IL15: variants seen among roughly 807,000 people sequenced by gnomAD.
The protein encoded by IL15 is interleukin-15.
In IL15, 11 loss-of-function variants were observed where a neutral mutation model predicts 19.6. The ratio of observed to expected loss-of-function variants is 0.56; its 90% CI spans 0.35 to 0.93. IL15 has a LOEUF of 0.93. Ranked by LOEUF, IL15 falls within the 40% of genes least tolerant of loss-of-function variation. The pLI is 0.01. For synonymous variants in IL15, 58 were observed against 59.6 expected, an observed-to-expected ratio of 0.97 and a Z score of 0.12; for missense variants, 197 against 186.5, an observed-to-expected ratio of 1.06 and a Z score of -0.33.
chr4:141,665,642 A>T (rs973915268), intron 2 of IL15, among the ~76,000 whole-genome samples: 1 of 152,132 alleles, frequency 6.6e-6, no homozygotes, highest in Non-Finnish European at 1.5e-5. Context: ...TGCTTCTCAG[A>T]TTGTATAATT....
intron 2 of IL15, among the ~76,000 whole-genome samples, chr4:141,657,699 G>A (rs945670739): frequency 2.0e-5 from 3 of 151,918 alleles, no homozygotes; most frequent in African/African-American, 7.3e-5. Context: ...TCTCCTCCAC[G>A]TCCTATCTCA....
chr4:141,697,571 A>C (rs1259406014), intron 2 of IL15, among the ~76,000 whole-genome samples: 1 of 152,026 alleles, frequency 6.6e-6, no homozygotes, highest in East Asian at 1.9e-4. Context: ...TTTGATGGGA[A>C]TTGCATTGAA....
chr4:141,664,343 AC>A (rs2152163700), intron 2 of IL15, among the ~76,000 whole-genome samples: 1 of 4,802 alleles, frequency 2.1e-4, no homozygotes, highest in Admixed American at 1.2e-3. Context: ...GGTGGGCAAA[AC>A]ACACACACAC....
chr4:141,720,971 ATTTC>A (rs1730054228), intron 4 of IL15: 1 of 586,164 alleles, frequency 1.7e-6, no homozygotes, highest in African/African-American at 1.9e-5. Flanking sequence ...AGTTTAAAAC[ATTTC>A]TTTCTTTATT....
chr4:141,720,450 C>T lies in IL15; in HGVS notation c.13-19C>T. The T allele has an allele frequency of 1.6e-6, 2 of 1,289,382 alleles. No homozygotes were observed. Among genetic ancestry groups the T allele is most frequent in the Non-Finnish European group, 2.2e-6 (2 of 890,410 alleles). 79.9% of individuals were successfully genotyped at this position (1,289,382 alleles called of 1,614,324 possible). ...TTAACTAAAAAATTTAACCATTTGT[C>T]TATGATTATATTTTTCAGAAACCAC... On this transcript the variant is annotated intron_variant, in intron 3 of 7. Coordinates refer to ENST00000320650, the MANE Select transcript of IL15 (RefSeq NM_000585.5).
intron 2 of IL15, among the ~76,000 whole-genome samples, chr4:141,685,014 G>C (rs1178274368): frequency 6.6e-6 from 1 of 151,882 alleles, no homozygotes; most frequent in Non-Finnish European, 1.5e-5. Context: ...ACCAAGTAGG[G>C]AATTACAAGG....
intron 1 of IL15, among the ~76,000 whole-genome samples, chr4:141,643,950 CATCTT>C (rs1727135847): frequency 6.6e-6 from 1 of 151,764 alleles, no homozygotes; most frequent in African/African-American, 2.4e-5. Context: ...CCTTCTTCCT[CATCTT>C]ACCTGATGTC....
chr4:141,664,172 A>C (rs1727886307), intron 2 of IL15, among the ~76,000 whole-genome samples: 1 of 152,204 alleles, frequency 6.6e-6, no homozygotes, highest in Non-Finnish European at 1.5e-5. Context: ...TGAAGTCTTA[A>C]GCTCTAAGAC....
intron 1 of IL15, among the ~76,000 whole-genome samples, chr4:141,653,156 C>T (rs1299241970): frequency 6.6e-6 from 1 of 152,002 alleles, no homozygotes; most frequent in Non-Finnish European, 1.5e-5. Context: ...TAACAATTGG[C>T]TGATTTTTAT....
intron 2 of IL15, among the ~76,000 whole-genome samples, chr4:141,671,076 T>G (rs1579005912): frequency 6.6e-6 from 1 of 152,190 alleles, no homozygotes; most frequent in South Asian, 2.1e-4. Context: ...AATTCACCCA[T>G]CATTTCATGT....
rs568276214 is a variant in IL15, at chr4:141,720,757, T to C, written c.110+191T>C. On this transcript the variant is annotated intron_variant, in intron 4 of 7. Coordinates refer to ENST00000320650, the MANE Select transcript of IL15 (RefSeq NM_000585.5). ...ACACCTAACTGAGCATTTTTCTACA[T>C]TGTGGTAATAGTCCAAACAAGCATT... 5 of 603,864 alleles carry C rather than the reference T, an allele frequency of 8.3e-6. No individual in the cohort carries two copies. In the South Asian group the frequency reaches 1.0e-4, roughly 12 times the overall value. The allele number at this position is 603,864 out of a possible 1,614,324, so 37.4% of individuals were successfully genotyped here. A position where few individuals can be genotyped will look rare whatever the true frequency, so the allele number is the denominator to read the frequency against.
intron 2 of IL15, among the ~76,000 whole-genome samples, chr4:141,678,572 GAA>G (rs113596407): frequency 0.026 from 3,437 of 131,502 alleles, 140 homozygotes; most frequent in African/African-American, 0.089. Flanking sequence ...TGCACACAAT[GAA>G]AAAAAAAAAA....
chr4:141,718,682 T>A (rs2152189033), intron 2 of IL15: 1 of 152,326 alleles, frequency 6.6e-6, no homozygotes, highest in Admixed American at 6.5e-5. Context: ...ATTCTTTGTG[T>A]TTATGGAACT....
chr4:141,682,930 C>T (rs1010388630), intron 2 of IL15, among the ~76,000 whole-genome samples: 1 of 151,340 alleles, frequency 6.6e-6, no homozygotes, highest in Non-Finnish European at 1.5e-5. Flanking sequence ...CCAACCTGGG[C>T]GACAAAGCGA....
At chr4:141,690,050 G>T (rs971823939) in intron 2 of IL15, among the ~76,000 whole-genome samples, 2 of 152,170 alleles carry the variant, frequency 1.3e-5, no homozygotes, top group Non-Finnish European at 2.9e-5. Context: ...CAGCGCTGGT[G>T]GGCTGGCACT....
At chr4:141,677,575 A>C (rs1728389964) in intron 2 of IL15, among the ~76,000 whole-genome samples, 1 of 152,058 alleles carries the variant, frequency 6.6e-6, no homozygotes, top group African/African-American at 2.4e-5. Context: ...CAGTTGTAGG[A>C]GTGAGGTACC....
Position 141,668,280 on chromosome 4 carries a change from C to T in IL15, c.-100+11973C>T, listed in dbSNP as rs551184545. 7.9e-5 allele frequency among the ~76,000 whole-genome samples: 12 copies of T among 152,304 alleles called. No homozygotes were observed. In the South Asian group the frequency reaches 2.5e-3, roughly 32 times the overall value. ...TGCAGCTCTCCTGTGCCTCAGCCTACCTCCCTGGGCCAGGTGTCTCTGATG... is the reference window on the plus strand; with the variant it reads ...TGCAGCTCTCCTGTGCCTCAGCCTATCTCCCTGGGCCAGGTGTCTCTGATG... On this transcript the variant is annotated intron_variant, in intron 2 of 7. Transcript: ENST00000320650.
At chr4:141,643,158 CATT>C (rs1378257897) in intron 1 of IL15, among the ~76,000 whole-genome samples, 1 of 152,170 alleles carries the variant, frequency 6.6e-6, no homozygotes, top group Non-Finnish European at 1.5e-5. Flanking sequence ...GTTTCATTCT[CATT>C]ATCTGCTCAA....
chr4:141,647,128 T>C (rs1727251286), intron 1 of IL15, among the ~76,000 whole-genome samples: 1 of 152,084 alleles, frequency 6.6e-6, no homozygotes, highest in South Asian at 2.1e-4. Context: ...CAGTTAATAA[T>C]TTTGAGTGCC....
Sources: allele counts gnomAD v4.1 joint callset (sites outside exome capture counted in the v4.1 genomes callset), GRCh38; gene constraint gnomAD v4.1.1; transcripts MANE v1.5; gene names NCBI Gene and HGNC (gene_info 2026-07-23, HGNC 2026-07-21).